The following INTS8 variants were observed in gnomAD, a reference collection of about 807,000 sequenced individuals.
INTS8 encodes the protein integrator complex subunit 8, also known as protein kaonashi-1.
A neutral mutation model predicts 138.9 loss-of-function variants in INTS8; 47 were observed. The ratio of observed to expected loss-of-function variants is 0.34; its 90% CI spans 0.27 to 0.43. The LOEUF (loss-of-function observed/expected upper bound fraction) is 0.43, where lower values mean the gene tolerates loss of function less well. INTS8 is among the 20% of genes least tolerant of loss of function. The pLI is 1.00. For synonymous variants in INTS8, 392 were observed against 400.9 expected (o/e 0.98, Z 0.27); for missense variants, 996 against 1,173.0 (o/e 0.85, Z 2.20).
rs145112233 is a variant in INTS8, at chr8:94,856,839, G to A, written c.1815G>A (p.Pro605=). The A allele has an allele frequency of 1.1e-4, 173 of 1,613,916 alleles. No individual in the cohort carries two copies. The African/African-American group carries it at 1.9e-3, about 17-fold the overall frequency. ...TGGAGTTGGTAACAGAGTTCTCACC[G>A]AAGCTTCGTCAGGTCATGCTGAATG... The part of the protein sequence containing the change: ...ACLELVTEFS[P]KLRQVMLNEM... The change falls in exon 15 of 27, where the codon CCG becomes CCA. Residue 605 remains proline (P), a synonymous_variant. Coordinates refer to ENST00000523731, the MANE Select transcript of INTS8 (RefSeq NM_017864.4).
intron 6 of INTS8, among the ~76,000 whole-genome samples, chr8:94,834,651 C>T (rs1420481336): frequency 2.7e-5 from 4 of 149,990 alleles, no homozygotes; most frequent in Non-Finnish European, 4.4e-5. Context: ...TGCAGTGAGC[C>T]GAGATCACCC....
chr8:94,841,182 A>G (rs1177358855), intron 8 of INTS8, among the ~76,000 whole-genome samples: 1 of 152,122 alleles, frequency 6.6e-6, no homozygotes, highest in Non-Finnish European at 1.5e-5. Flanking sequence ...AAGTGCTCAG[A>G]TTACAAGCGT....
intron 14 of INTS8, among the ~76,000 whole-genome samples, chr8:94,856,241 T>G (rs1334735527): frequency 6.6e-6 from 1 of 152,232 alleles, no homozygotes; most frequent in Non-Finnish European, 1.5e-5. Context: ...TTTGTAATGA[T>G]GGGGGTAGAA....
At chr8:94,873,588 G>C in intron 22 of INTS8, 111 bp downstream of exon 22, 1 of 707,812 alleles carries the variant, frequency 1.4e-6, no homozygotes, top group Non-Finnish European at 2.6e-6. Flanking sequence ...GTAAGTCCCA[G>C]GTTCATGGCT....
intron 14 of INTS8, among the ~76,000 whole-genome samples, chr8:94,855,896 T>G (rs1029753729): frequency 6.6e-6 from 1 of 152,168 alleles, no homozygotes; most frequent in East Asian, 1.9e-4. Flanking sequence ...CAGGGCAGAT[T>G]ATGAGTTTAT....
chr8:94,876,471 A>T lies in INTS8; in HGVS notation c.2853A>T (p.Thr951=). 6.4e-7 allele frequency: 1 copy of T among 1,556,036 alleles called. No homozygotes were observed. Among genetic ancestry groups the T allele is most frequent in the Non-Finnish European group, 8.8e-7 (1 of 1,133,908 alleles). The change falls in exon 26 of 27, where the codon ACA becomes ACT. Residue 951 remains threonine (T), a synonymous_variant. Transcript: ENST00000523731. ...ATCTTCATCATAAAAGAGGAGAAAC[A>T]GATAAAAGACAAATTGCAGTAAGTT... ...LTYLHHKRGE[T]DKRQIAIKAI...
chr8:94,836,644 A>G lies in INTS8; in HGVS notation c.861+13A>G, dbSNP rs754675969. 6.1e-6 allele frequency: 9 copies of G among 1,474,206 alleles called. No homozygotes were observed. Among genetic ancestry groups the G allele is most frequent in the Non-Finnish European group, 7.6e-6 (8 of 1,054,282 alleles). The allele number at this position is 1,474,206 out of a possible 1,614,324, so 91.3% of individuals were successfully genotyped here. On this transcript the variant is annotated intron_variant, in intron 7 of 26. Coordinates refer to ENST00000523731, the MANE Select transcript of INTS8 (RefSeq NM_017864.4). ...ACTAATTGCAGAGGTAAATCCAGTC[A>G]TAATAGGAACTTAATGTTCAGTTCT...
At chr8:94,855,615 A>T (rs1815717437) in intron 14 of INTS8, among the ~76,000 whole-genome samples, 1 of 152,232 alleles carries the variant, frequency 6.6e-6, no homozygotes. Flanking sequence ...TTATTCACAA[A>T]AAGTTTGTGG....
At position 94,865,671 on chromosome 8, in the gene INTS8, A is replaced by G; in HGVS notation, c.2242A>G (p.Thr748Ala). Reference protein sequence around the residue: ...RVSLIKQRESTLGIMYRSELL... With the variant: ...RVSLIKQRESALGIMYRSELL... ...TAGTTTAATAAAACAGAGGGAATCT[A>G]CGTTAGGTATCATGTATCGGTATGT... The change falls in exon 17 of 27, where the codon ACG becomes GCG. Residue 748 changes from threonine (T) to alanine (A), a missense_variant. By Grantham distance (58) the Thr-to-Ala change is moderately conservative. Coordinates refer to ENST00000523731, the MANE Select transcript of INTS8 (RefSeq NM_017864.4). The G allele has an allele frequency of 1.9e-6, 3 of 1,614,032 alleles. No individual in the cohort carries two copies. Among genetic ancestry groups the G allele is most frequent in the Non-Finnish European group, 2.5e-6 (3 of 1,179,882 alleles).
At chr8:94,828,073 T>G (rs962567715) in intron 4 of INTS8, among the ~76,000 whole-genome samples, 6 of 150,476 alleles carry the variant, frequency 4.0e-5, no homozygotes, top group African/African-American at 1.5e-4. Context: ...GGAGACTCAC[T>G]CTGTCGCCCA....
intron 6 of INTS8, among the ~76,000 whole-genome samples, chr8:94,833,993 A>C (rs1259622332): frequency 6.6e-6 from 1 of 152,108 alleles, no homozygotes; most frequent in African/African-American, 2.4e-5. Context: ...GCTGGTCTCA[A>C]ACTCCCGACT....
chr8:94,860,167 A>T (rs1218053757), intron 16 of INTS8: 1 of 152,436 alleles, frequency 6.6e-6, no homozygotes, highest in Non-Finnish European at 1.5e-5. Flanking sequence ...GAGTACAGAA[A>T]ATATCAAAAC....
chr8:94,847,309 C>G (rs1386848026), intron 10 of INTS8, among the ~76,000 whole-genome samples: 1 of 152,006 alleles, frequency 6.6e-6, no homozygotes, highest in Non-Finnish European at 1.5e-5. Flanking sequence ...CCCAAAGTGC[C>G]TGGATTACAG....
intron 16 of INTS8, 29 bp downstream of exon 16, chr8:94,859,661 TA>T: frequency 6.4e-7 from 1 of 1,556,614 alleles, no homozygotes; most frequent in Non-Finnish European, 8.8e-7. Context: ...AAAGGATTGT[TA>T]GGATGGTATT....
At chr8:94,833,541 G>A (rs942809898) in intron 6 of INTS8, among the ~76,000 whole-genome samples, 2 of 151,812 alleles carry the variant, frequency 1.3e-5, no homozygotes, top group Non-Finnish European at 2.9e-5. Context: ...CTTGCATATA[G>A]GAGTGTTACT....
At chr8:94,866,746 A>G (rs1237565018) in intron 18 of INTS8, 1 of 182,226 alleles carries the variant, frequency 5.5e-6, no homozygotes, top group African/African-American at 2.4e-5. Context: ...TCTTCATAAT[A>G]GGGGCTAGAT....
At chr8:94,874,736 ATTC>A in intron 23 of INTS8, 134 bp downstream of exon 23, 2 of 527,940 alleles carry the variant, frequency 3.8e-6, no homozygotes, top group South Asian at 2.6e-5. Context: ...AGTTTGGCAT[ATTC>A]TTTAAATTTT....
intron 16 of INTS8, among the ~76,000 whole-genome samples, chr8:94,861,788 T>G (rs1256397469): frequency 6.6e-6 from 1 of 151,700 alleles, no homozygotes; most frequent in Non-Finnish European, 1.5e-5. Context: ...CGACCTCAGG[T>G]GATCCGCCCA....
intron 10 of INTS8, among the ~76,000 whole-genome samples, chr8:94,848,542 T>A (rs912345433): frequency 6.6e-6 from 1 of 152,216 alleles, no homozygotes; most frequent in Non-Finnish European, 1.5e-5. Context: ...CTCTATAGAT[T>A]TATCTGTTCT....
Sources: allele counts gnomAD v4.1 joint callset (sites outside exome capture counted in the v4.1 genomes callset), GRCh38; gene constraint gnomAD v4.1.1; transcripts MANE v1.5; gene names NCBI Gene and HGNC (gene_info 2026-07-23, HGNC 2026-07-21).